TRMT6: variants seen among roughly 807,000 people sequenced by gnomAD.
TRMT6 encodes the protein tRNA (adenine(58)-N(1))-methyltransferase non-catalytic subunit TRM6.
A neutral mutation model predicts 59.0 loss-of-function variants in TRMT6; 34 were observed. The ratio of observed to expected loss-of-function variants is 0.58; its 90% CI spans 0.44 to 0.77. TRMT6 has a LOEUF of 0.77. Among genes scored for constraint, TRMT6 ranks in the 30% least tolerant of loss-of-function variants. The pLI, the probability that TRMT6 is intolerant of heterozygous loss-of-function variation, is 0.00. For missense variants in TRMT6, 575 were observed against 604.5 expected (o/e 0.95, Z 0.51); for synonymous variants, 217 against 210.5 (o/e 1.03, Z -0.27).
Position 5,938,193 on chromosome 20 carries a change from A to T in TRMT6, c.*342T>A, listed in dbSNP as rs2088623819. 5.5e-6 allele frequency: 1 copy of T among 182,946 alleles called. No individual in the cohort carries two copies. The highest frequency in any genetic ancestry group is 5.9e-5 in the Admixed American group (1 of 17,076). The allele number at this position is 182,946 out of a possible 1,614,324, so 11.3% of individuals were successfully genotyped here. On this transcript the variant is annotated 3_prime_UTR_variant, in exon 11 of 11. Transcript: ENST00000203001. ...TTTCGGTACCCGCCATGTTTTAGTT[A>T]CGTTGTATTATTCCACTTAGCTTAA...
At chr20:5,946,041 G>A (rs2088702803) in intron 2 of TRMT6, among the ~76,000 whole-genome samples, 1 of 152,192 alleles carries the variant, frequency 6.6e-6, no homozygotes, top group Admixed American at 6.5e-5. Context: ...ATTGAACTTA[G>A]CTGGATCCAA....
intron 1 of TRMT6, among the ~76,000 whole-genome samples, chr20:5,949,647 ACT>A (rs1259366235): frequency 6.6e-6 from 1 of 152,160 alleles, no homozygotes; most frequent in Non-Finnish European, 1.5e-5. Context: ...GTGATTCCAC[ACT>A]CTGTGGTGAA....
intron 10 of TRMT6, among the ~76,000 whole-genome samples, 198 bp from the exon 11 acceptor site, chr20:5,938,924 C>T (rs183077845): frequency 2.1e-4 from 31 of 150,706 alleles, no homozygotes; most frequent in Admixed American, 1.8e-3. Context: ...TCCTCCCTCC[C>T]TTCCTTCCTT....
Position 5,943,695 on chromosome 20 carries a change from A to C in TRMT6, c.543-12T>G, listed in dbSNP as rs1320307731. On this transcript the variant is annotated splice_polypyrimidine_tract_variant and intron_variant, in intron 5 of 10. Transcript: ENST00000203001. ...CGTATCTCATGTGGCTAAAGTAAAA[A>C]CAATAATTTGTTCATTTTTAGCTAA... is the stretch of plus-strand genomic sequence containing the variant. The C allele has an allele frequency of 8.7e-6, 14 of 1,607,370 alleles. No individual in the cohort carries two copies. In the South Asian group the frequency reaches 1.6e-4, roughly 18 times the overall value.
chr20:5,950,219 G>A (rs947735710), intron 1 of TRMT6, 59 bp downstream of exon 1: 1 of 1,490,716 alleles, frequency 6.7e-7, no homozygotes, highest in Non-Finnish European at 9.1e-7. Flanking sequence ...GAAACCTGGA[G>A]GGAGGGGGTA....
intron 1 of TRMT6, among the ~76,000 whole-genome samples, chr20:5,946,765 G>C (rs1009108170): frequency 6.6e-6 from 1 of 152,230 alleles, no homozygotes; most frequent in African/African-American, 2.4e-5. Context: ...AAGACTCATC[G>C]AAGTAACAAG....
chr20:5,944,572 G>A (rs571932054), intron 3 of TRMT6, among the ~76,000 whole-genome samples: 8 of 152,254 alleles, frequency 5.3e-5, no homozygotes, highest in Admixed American at 1.3e-4. Flanking sequence ...ATCCTGATAT[G>A]CACTGTTATT....
chr20:5,939,558 GA>G (rs921062980), intron 10 of TRMT6, among the ~76,000 whole-genome samples: 1 of 151,894 alleles, frequency 6.6e-6, no homozygotes, highest in Non-Finnish European at 1.5e-5. Context: ...TCTAGAAACT[GA>G]AGCATGTTTC....
intron 1 of TRMT6, 40 bp downstream of exon 1, chr20:5,950,238 G>T: frequency 6.5e-7 from 1 of 1,538,204 alleles, no homozygotes; most frequent in Non-Finnish European, 8.8e-7. Flanking sequence ...TATCTACAAG[G>T]TGGGGGCGGG....
Position 5,942,496 on chromosome 20 carries a change from T to C in TRMT6, c.958A>G (p.Thr320Ala). 1 of 1,614,142 alleles carries C rather than the reference T, an allele frequency of 6.2e-7. No individual in the cohort carries two copies. Among genetic ancestry groups the C allele is most frequent in the African/African-American group, 1.3e-5 (1 of 75,032 alleles). ...GGATCTTGAGAAATTGTTTCCATTG[T>C]TTCCTGGTCTTCTGGGTGGTTGCTC... ...PESNHPEDQETMETISQDPEH... is the reference protein window; with the variant it reads ...PESNHPEDQEAMETISQDPEH... The change falls in exon 7 of 11, where the codon ACA becomes GCA. Residue 320 changes from threonine to alanine, a missense_variant. By Grantham distance (58) the Thr-to-Ala change is moderately conservative (BLOSUM62 0). Transcript: ENST00000203001.
intron 5 of TRMT6, 31 bp from the exon 6 acceptor site, chr20:5,943,714 T>C: frequency 6.2e-7 from 1 of 1,605,124 alleles, no homozygotes. Context: ...TGTTCATTTT[T>C]AGCTAAGTAA....
intron 1 of TRMT6, among the ~76,000 whole-genome samples, chr20:5,949,013 T>C (rs568157005): frequency 7.2e-5 from 11 of 152,288 alleles, no homozygotes; most frequent in Non-Finnish European, 1.0e-4. Context: ...TCTCCTGACA[T>C]TGCATTCAAC....
At chr20:5,940,525 A>G (rs1339230300) in intron 10 of TRMT6, among the ~76,000 whole-genome samples, 1 of 152,238 alleles carries the variant, frequency 6.6e-6, no homozygotes, top group Non-Finnish European at 1.5e-5. Flanking sequence ...TAACAAGAGA[A>G]AAAAAGGGTC....
At chr20:5,938,763 G>C (rs747473349) in intron 10 of TRMT6, 37 bp from the exon 11 acceptor site, 6 of 1,587,494 alleles carry the variant, frequency 3.8e-6, no homozygotes, top group Admixed American at 3.4e-5. Context: ...GCTTTCCTAA[G>C]ACAATAAAGT....
In TRMT6 at chr20:5,942,710, T is replaced by C. The variant is rs1340669573; in HGVS notation, c.744A>G (p.Lys248=). ...RAATACFGFP[K]SFLSGLYEFP... ...ATTCATAAAGACCACTGAGAAAAGA[T>C]TTGGGAAATCCAAAACATGCTGTTG... The change falls in exon 7 of 11, where the codon AAA becomes AAG. Residue 248 remains lysine (K), a synonymous_variant. Transcript: ENST00000203001. 6.2e-7 allele frequency: 1 copy of C among 1,614,096 alleles called. No individual in the cohort carries two copies. The highest frequency in any genetic ancestry group is 2.2e-5 in the East Asian group (1 of 44,884).
chr20:5,945,933 A>G (rs894698159), intron 2 of TRMT6, among the ~76,000 whole-genome samples: 1 of 152,196 alleles, frequency 6.6e-6, no homozygotes, highest in African/African-American at 2.4e-5. Context: ...CCTAGGCATT[A>G]AATGTGTTTA....
At chr20:5,939,578 A>G (rs1374740482) in intron 10 of TRMT6, among the ~76,000 whole-genome samples, 2 of 151,862 alleles carry the variant, frequency 1.3e-5, no homozygotes, top group African/African-American at 4.8e-5. Flanking sequence ...TCTGGCGGAG[A>G]ATGGGTAATG....
At chr20:5,949,725 T>C (rs570487003) in intron 1 of TRMT6, among the ~76,000 whole-genome samples, 4 of 152,050 alleles carry the variant, frequency 2.6e-5, no homozygotes, top group Non-Finnish European at 4.4e-5. Context: ...CCAGACTAGG[T>C]AGGAGACGTT....
In TRMT6 at chr20:5,939,722, C is replaced by T. The variant is rs118006416; in HGVS notation, c.1303-996G>A. Reference sequence around the variant, plus strand: ...TACTACACTCCAAACCTCCCTTCCCCGCTACCCTGTTAACTCTGCCAAGGC... The same window carrying T: ...TACTACACTCCAAACCTCCCTTCCCTGCTACCCTGTTAACTCTGCCAAGGC... On this transcript the variant is annotated intron_variant, in intron 10 of 10. Coordinates refer to ENST00000203001, the MANE Select transcript of TRMT6 (RefSeq NM_015939.5). Among the ~76,000 whole-genome samples, 100 of 152,218 alleles carry T rather than the reference C, an allele frequency of 6.6e-4. 2 individuals carry two copies. In the East Asian group the frequency reaches 0.015, roughly 22 times the overall value.
Sources: allele counts gnomAD v4.1 joint callset (sites outside exome capture counted in the v4.1 genomes callset), GRCh38; gene constraint gnomAD v4.1.1; transcripts MANE v1.5; gene names NCBI Gene and HGNC (gene_info 2026-07-23, HGNC 2026-07-21).